The following DDHD1 variants were observed in gnomAD, a reference collection of about 807,000 sequenced individuals.
The protein encoded by DDHD1 is phospholipase DDHD1.
Under a neutral mutation model 96.4 loss-of-function variants are expected in DDHD1, and 49 were observed. That is an observed-to-expected ratio of 0.51 (90% CI 0.40 to 0.64). The LOEUF is 0.64. DDHD1 is among the 30% of genes least tolerant of loss of function. The pLI is 0.00. For missense variants in DDHD1, 1,106 were observed against 1,161.2 expected, an observed-to-expected ratio of 0.95 and a Z score of 0.69; for synonymous variants, 442 against 446.5, an observed-to-expected ratio of 0.99 and a Z score of 0.13.
chr14:53,101,655 CACACAT>C (rs1262258334), intron 2 of DDHD1, among the ~76,000 whole-genome samples: 3 of 152,014 alleles, frequency 2.0e-5, no homozygotes, highest in Admixed American at 2.0e-4. Flanking sequence ...TATATACACT[CACACAT>C]ACACATACGC....
intron 2 of DDHD1, among the ~76,000 whole-genome samples, chr14:53,094,785 A>C (rs1430729242): frequency 6.6e-6 from 1 of 152,024 alleles, no homozygotes; most frequent in Non-Finnish European, 1.5e-5. Flanking sequence ...TCAAGCCTGC[A>C]ATGAGCTATG....
At chr14:53,101,633 C>G (rs1887305779) in intron 2 of DDHD1, among the ~76,000 whole-genome samples, 2 of 151,950 alleles carry the variant, frequency 1.3e-5, no homozygotes, top group Admixed American at 1.3e-4. Flanking sequence ...GAGATTGCTA[C>G]CCTAGAACTG....
chr14:53,128,809 T>C (rs993886832), intron 1 of DDHD1, among the ~76,000 whole-genome samples: 1 of 152,202 alleles, frequency 6.6e-6, no homozygotes, highest in Admixed American at 6.5e-5. Flanking sequence ...TACATCCAGA[T>C]GGCTTGAAGC....
In DDHD1 at chr14:53,103,767, G is replaced by C; in HGVS notation, c.928C>G (p.Gln310Glu). 1.2e-6 allele frequency: 2 copies of C among 1,613,402 alleles called. No homozygotes were observed. The highest frequency in any genetic ancestry group is 1.7e-6 in the Non-Finnish European group (2 of 1,179,722). Residue 310 changes from glutamine (Q) to glutamate (E), a missense_variant, in exon 2 of 13, where the codon CAA becomes GAA. Transcript: ENST00000673822. Reference protein sequence around the residue: ...LEEEESNLIEQEHLNCFRGQQ... With the variant: ...LEEEESNLIEEEHLNCFRGQQ... ...CCCCTAAAACAATTGAGATGTTCTT[G>C]CTCAATTAAATTACTTTCTTCCTCT...
At chr14:53,127,753 A>T (rs1477440734) in intron 1 of DDHD1, among the ~76,000 whole-genome samples, 1 of 152,224 alleles carries the variant, frequency 6.6e-6, no homozygotes, top group Non-Finnish European at 1.5e-5. Context: ...CTGGCAAGCT[A>T]ACTCAATGCT....
At chr14:53,090,213 A>G (rs1043222648) in intron 4 of DDHD1, among the ~76,000 whole-genome samples, 1 of 152,102 alleles carries the variant, frequency 6.6e-6, no homozygotes, top group African/African-American at 2.4e-5. Context: ...TCATTAAAAA[A>G]TCAGGAAACA....
In DDHD1 at chr14:53,152,335, T is replaced by G; in HGVS notation, c.764A>C (p.Glu255Ala). The part of the protein sequence containing the change: ...EPEMVELVNI[E>A]PVCVRGGLYE... ...GAGGCCGCCCCGCACGCACACAGGC[T>G]CGATGTTCACAAGCTCCACCATCTC... The change falls in exon 1 of 13, where the codon GAG becomes GCG. Residue 255 changes from glutamate (E) to alanine (A), a missense_variant. Glu to Ala is a moderately radical substitution (Grantham distance 107). Transcript: ENST00000673822. 6.2e-7 allele frequency: 1 copy of G among 1,613,986 alleles called. No individual in the cohort carries two copies. The highest frequency in any genetic ancestry group is 8.5e-7 in the Non-Finnish European group (1 of 1,179,954).
At chr14:53,059,788 G>A (rs1302454310) in intron 8 of DDHD1, among the ~76,000 whole-genome samples, 3 of 146,886 alleles carry the variant, frequency 2.0e-5, no homozygotes, top group East Asian at 2.0e-4. Context: ...CACTTGAATC[G>A]GAGGGGCGGA....
Position 53,037,780 on chromosome 14 carries a change from A to G in DDHD1, c.*8988T>C, listed in dbSNP as rs1413757725. On this transcript the variant is annotated 3_prime_UTR_variant, in exon 13 of 13. Transcript: ENST00000673822. The stretch of plus-strand genomic sequence containing the variant: ...TGTTTTGTTGCAATTGCCTTTGGGG[A>G]CTTAGCCAAAAGTTCTTTGCCAAGG... 6.6e-6 allele frequency: 1 copy of G among 152,010 alleles called. No individual in the cohort carries two copies. The highest frequency in any genetic ancestry group is 1.5e-5 in the Non-Finnish European group (1 of 67,994). The allele number at this position is 152,010 out of a possible 1,614,324, so 9.4% of individuals were successfully genotyped here.
At chr14:53,048,177 G>A (rs1882196638) in intron 12 of DDHD1, among the ~76,000 whole-genome samples, 1 of 152,086 alleles carries the variant, frequency 6.6e-6, no homozygotes, top group Non-Finnish European at 1.5e-5. Context: ...TTATACAGTT[G>A]TTATTTTTCT....
rs1319467641 is a variant in DDHD1, at chr14:53,040,623, GC to G, written c.*6144del. On this transcript the variant is annotated 3_prime_UTR_variant, in exon 13 of 13. Transcript: ENST00000673822. ...GCTGAGAAAATCAGAACTGGACAAT[GC>G]CAGAATAAAAGTTTAAAGTTTCTGT... 6.6e-6 allele frequency: 1 copy of G among 152,134 alleles called. No individual in the cohort carries two copies. The highest frequency in any genetic ancestry group is 1.5e-5 in the Non-Finnish European group (1 of 68,034). The allele number at this position is 152,134 out of a possible 1,614,324, so 9.4% of individuals were successfully genotyped here. A position where few individuals can be genotyped will look rare whatever the true frequency, so the allele number is the denominator to read the frequency against.
chr14:53,129,027 C>A (rs1889668753), intron 1 of DDHD1, among the ~76,000 whole-genome samples: 1 of 152,228 alleles, frequency 6.6e-6, no homozygotes, highest in Non-Finnish European at 1.5e-5. Context: ...GCCCACCTAT[C>A]CCAAACCTAT....
chr14:53,109,569 G>T (rs1018484751), intron 1 of DDHD1, among the ~76,000 whole-genome samples: 1 of 152,058 alleles, frequency 6.6e-6, no homozygotes, highest in African/African-American at 2.4e-5. Flanking sequence ...GTTATGTATG[G>T]TTTCTGTGTA....
At chr14:53,088,641 C>T (rs1272192756) in intron 4 of DDHD1, among the ~76,000 whole-genome samples, 1 of 152,172 alleles carries the variant, frequency 6.6e-6, no homozygotes. Flanking sequence ...TAAAAACTCT[C>T]AATAAACTAG....
intron 6 of DDHD1, among the ~76,000 whole-genome samples, chr14:53,069,105 T>C (rs573848155): frequency 1.8e-4 from 27 of 152,324 alleles, no homozygotes; most frequent in African/African-American, 6.5e-4. Context: ...GCTGCTTAAT[T>C]TGGCCCTGTG....
intron 1 of DDHD1, among the ~76,000 whole-genome samples, chr14:53,120,655 C>A (rs1235918232): frequency 6.6e-6 from 1 of 152,150 alleles, no homozygotes; most frequent in Non-Finnish European, 1.5e-5. Context: ...ACATCTACAA[C>A]CATCTGATCT....
chr14:53,080,166 C>T (rs1287738352), intron 4 of DDHD1, among the ~76,000 whole-genome samples: 1 of 152,164 alleles, frequency 6.6e-6, no homozygotes, highest in Non-Finnish European at 1.5e-5. Flanking sequence ...CTGAGACCAG[C>T]CTGGCCAACA....
chr14:53,102,924 G>T, intron 2 of DDHD1: 1 of 1,099,986 alleles, frequency 9.1e-7, no homozygotes, highest in South Asian at 1.5e-5. Flanking sequence ...AGTAGAGCTT[G>T]CCAAGAAACC....
intron 4 of DDHD1, among the ~76,000 whole-genome samples, chr14:53,083,124 G>A (rs142732376): frequency 1.5e-4 from 22 of 151,508 alleles, no homozygotes; most frequent in East Asian, 7.9e-4. Context: ...AATAAGTTTC[G>A]TTGATATTCT....
Sources: allele counts gnomAD v4.1 joint callset (sites outside exome capture counted in the v4.1 genomes callset), GRCh38; gene constraint gnomAD v4.1.1; transcripts MANE v1.5; gene names NCBI Gene and HGNC (gene_info 2026-07-23, HGNC 2026-07-21).